Variants in TTPA observed in about 807,000 individuals in gnomAD.
TTPA encodes the protein alpha tocopherol transfer protein.
Under a neutral mutation model 25.9 loss-of-function variants are expected in TTPA, and 23 were observed. The observed-to-expected ratio is 0.89, with a 90% CI of 0.64 to 1.26. TTPA has a LOEUF of 1.26. TTPA is among the 50% of genes most tolerant of loss of function. TTPA has a pLI of 0.00. For missense variants in TTPA, 337 were observed against 353.1 expected, an observed-to-expected ratio of 0.95 and a Z score of 0.37; for synonymous variants, 148 against 137.3, an observed-to-expected ratio of 1.08 and a Z score of -0.54.
intron 2 of TTPA, among the ~76,000 whole-genome samples, chr8:63,067,925 G>A (rs1418086144): frequency 6.6e-6 from 1 of 152,124 alleles, no homozygotes; most frequent in Non-Finnish European, 1.5e-5. Context: ...CTGCATCCCT[G>A]TTGCTGCAAA....
intron 2 of TTPA, among the ~76,000 whole-genome samples, chr8:63,067,292 A>G (rs556180867): frequency 2.6e-5 from 4 of 152,310 alleles, no homozygotes; most frequent in East Asian, 3.9e-4. Context: ...AATTTGGCAC[A>G]AAAGAGCCAA....
At chr8:63,072,465 G>T (rs1322539225) in intron 2 of TTPA, among the ~76,000 whole-genome samples, 2 of 152,136 alleles carry the variant, frequency 1.3e-5, no homozygotes, top group African/African-American at 4.8e-5. Flanking sequence ...GTTTCACCAT[G>T]TTGGCCAGGT....
chr8:63,074,317 C>T (rs1367588180), intron 1 of TTPA, among the ~76,000 whole-genome samples: 3 of 152,164 alleles, frequency 2.0e-5, no homozygotes, highest in Admixed American at 6.5e-5. Context: ...CACTGGTACA[C>T]GAGAGGGAGG....
intron 1 of TTPA, among the ~76,000 whole-genome samples, chr8:63,074,342 AT>A (rs1805529693): frequency 1.3e-5 from 2 of 152,126 alleles, no homozygotes; most frequent in South Asian, 4.1e-4. Context: ...TGCCATCTGC[AT>A]TGCTCTGCTC....
intron 1 of TTPA, among the ~76,000 whole-genome samples, chr8:63,085,385 C>A (rs1287735038): frequency 6.6e-6 from 1 of 152,208 alleles, no homozygotes. Context: ...CCAGCAATTT[C>A]ATTTTCCCCG....
intron 1 of TTPA, among the ~76,000 whole-genome samples, chr8:63,077,705 T>A (rs931858921): frequency 6.6e-6 from 1 of 152,200 alleles, no homozygotes; most frequent in African/African-American, 2.4e-5. Context: ...GCCTACAGCC[T>A]CCATAGACTC....
chr8:63,085,512 T>C (rs1164098632), intron 1 of TTPA, among the ~76,000 whole-genome samples: 2 of 152,194 alleles, frequency 1.3e-5, no homozygotes, highest in Non-Finnish European at 2.9e-5. Flanking sequence ...CCCCAAACTT[T>C]GTAGGTTCAG....
intron 1 of TTPA, among the ~76,000 whole-genome samples, chr8:63,074,881 G>A (rs1460904898): frequency 6.6e-6 from 1 of 152,106 alleles, no homozygotes; most frequent in Non-Finnish European, 1.5e-5. Flanking sequence ...CATCTCTGCA[G>A]AGTGCTGCAC....
At chr8:63,078,190 G>A (rs916307870) in intron 1 of TTPA, among the ~76,000 whole-genome samples, 1 of 152,122 alleles carries the variant, frequency 6.6e-6, no homozygotes, top group East Asian at 1.9e-4. Context: ...GGTCATGAAC[G>A]TCAAAGACCA....
chr8:63,081,073 C>T (rs1054695189), intron 1 of TTPA, among the ~76,000 whole-genome samples: 2 of 150,902 alleles, frequency 1.3e-5, no homozygotes, highest in Non-Finnish European at 2.9e-5. Context: ...CAAAAAGGAG[C>T]TGGTACCATT....
intron 1 of TTPA, among the ~76,000 whole-genome samples, chr8:63,078,673 A>G (rs1190857051): frequency 6.6e-6 from 1 of 152,230 alleles, no homozygotes; most frequent in Non-Finnish European, 1.5e-5. Context: ...AGCCTCCAAG[A>G]AATATGGGCC....
At position 63,061,375 on chromosome 8, in the gene TTPA, T is replaced by A; in HGVS notation, c.714A>T (p.Pro238=). The A allele has an allele frequency of 6.2e-7, 1 of 1,614,024 alleles. No homozygotes were observed. The highest frequency in any genetic ancestry group is 8.5e-7 in the Non-Finnish European group (1 of 1,179,958). ...NYKQSLLQHF[P]DILPLEYGGE... ...CACCATATTCCAGAGGAAGAATGTC[T>A]GGGAAATGCTGAAGCAAGCTTTGTT... The change falls in exon 5 of 5, where the codon CCA becomes CCT. Residue 238 remains proline, a synonymous_variant. Coordinates refer to ENST00000260116, the MANE Select transcript of TTPA (RefSeq NM_000370.3).
At chr8:63,074,465 G>A (rs956860983) in intron 1 of TTPA, among the ~76,000 whole-genome samples, 1 of 152,166 alleles carries the variant, frequency 6.6e-6, no homozygotes, top group Non-Finnish European at 1.5e-5. Flanking sequence ...AAGAGAGAAT[G>A]TTGCTAAGAG....
intron 1 of TTPA, among the ~76,000 whole-genome samples, chr8:63,073,801 T>C (rs1043466943): frequency 6.6e-6 from 1 of 152,198 alleles, no homozygotes; most frequent in African/African-American, 2.4e-5. Flanking sequence ...TAAGGAAGTA[T>C]AGAAATCAAT....
At chr8:63,059,028 T>TG (rs1478810617), downstream of TTPA, among the ~76,000 whole-genome samples, 2 of 102,708 alleles carry the variant, frequency 1.9e-5, no homozygotes, top group East Asian at 6.7e-4. Flanking sequence ...CAGTTTTTTT[T>TG]TTTTTTTTTT....
Position 63,060,042 on chromosome 8 carries a change from A to G in TTPA, c.*1210T>C, listed in dbSNP as rs925637194. On this transcript the variant is annotated 3_prime_UTR_variant, in exon 5 of 5. Coordinates refer to ENST00000260116, the MANE Select transcript of TTPA (RefSeq NM_000370.3). The stretch of plus-strand genomic sequence containing the variant: ...TTAATATAAATTGCAGGATTTGATT[A>G]AAATATTCTGATACAATAGTCAAAC... 2 of 152,198 alleles carry G rather than the reference A, an allele frequency of 1.3e-5. No individual in the cohort carries two copies. The highest frequency in any genetic ancestry group is 4.1e-4 in the South Asian group (2 of 4,828). The allele number at this position is 152,198 out of a possible 1,614,324, so 9.4% of individuals were successfully genotyped here.
chr8:63,072,869 G>A, intron 2 of TTPA, 66 bp downstream of exon 2: 2 of 1,562,310 alleles, frequency 1.3e-6, no homozygotes, highest in Non-Finnish European at 1.8e-6. Context: ...GAGAGAAGAG[G>A]AGAGGGGAGG....
At chr8:63,080,460 G>A (rs560228148) in intron 1 of TTPA, among the ~76,000 whole-genome samples, 242 of 152,212 alleles carry the variant, frequency 1.6e-3, no homozygotes, top group Non-Finnish European at 7.5e-4. Flanking sequence ...GGTGGCTCAC[G>A]CCTGTAATCC....
At chr8:63,078,140 C>T (rs1372160038) in intron 1 of TTPA, among the ~76,000 whole-genome samples, 1 of 152,214 alleles carries the variant, frequency 6.6e-6, no homozygotes, top group African/African-American at 2.4e-5. Flanking sequence ...ATAGCGCCAA[C>T]ATCAACAAAA....
Sources: allele counts gnomAD v4.1 joint callset (sites outside exome capture counted in the v4.1 genomes callset), GRCh38; gene constraint gnomAD v4.1.1; transcripts MANE v1.5; gene names NCBI Gene and HGNC (gene_info 2026-07-23, HGNC 2026-07-21).